The following CENPN variants were observed in gnomAD, a reference collection of about 807,000 sequenced individuals.
CENPN encodes the protein centromere protein N, also known as interphase centromere complex protein 32.
CENPN carries 36 observed loss-of-function variants against 48.6 expected under a neutral mutation model. The observed-to-expected ratio is 0.74, with a 90% CI of 0.57 to 0.98. The LOEUF (loss-of-function observed/expected upper bound fraction) is 0.98. CENPN is among the 50% of genes least tolerant of loss of function. The pLI, the probability that CENPN is intolerant of heterozygous loss-of-function variation, is 0.00. For missense variants in CENPN, 439 were observed against 399.2 expected (o/e 1.10, Z -0.85); for synonymous variants, 166 against 135.2 (o/e 1.23, Z -1.58).
rs771464375 is a variant in CENPN at position 81,028,213 on chromosome 16, G to T, written c.853G>T (p.Ala285Ser). 1.9e-6 allele frequency: 3 copies of T among 1,613,306 alleles called. No homozygotes were observed. The highest frequency in any genetic ancestry group is 4.5e-5 in the East Asian group (2 of 44,878). The change falls in exon 10 of 11, where the codon GCT becomes TCT. Residue 285 changes from alanine to serine, a missense_variant. Ala to Ser is a moderately conservative substitution (Grantham distance 99). Coordinates refer to ENST00000305850, the MANE Select transcript of CENPN (RefSeq NM_001100624.3). ...FKSGLNGSIL[A>S]EREEPLRCLI... ...AAGTGGTTTAAATGGGAGCATCTTG[G>T]CTGAGAGGGAAGAACCCCTCCGATG...
At chr16:81,007,990 C>T (rs1056766083) in intron 1 of CENPN, among the ~76,000 whole-genome samples, 4 of 151,990 alleles carry the variant, frequency 2.6e-5, no homozygotes, top group Non-Finnish European at 5.9e-5. Flanking sequence ...GCCTGTAATC[C>T]CAGCTATTTG....
chr16:81,014,015 T>G lies in CENPN; in HGVS notation c.172-121T>G. ...AACAGGAGAAGAGATTGGAGATGGG[T>G]TGTCAGTAAAGTACTGAGAATGTGC... is the stretch of plus-strand genomic sequence containing the variant. On this transcript the variant is annotated intron_variant, in intron 2 of 10. Coordinates refer to ENST00000305850, the MANE Select transcript of CENPN (RefSeq NM_001100624.3). 4.8e-6 allele frequency: 3 copies of G among 630,660 alleles called. No homozygotes were observed. In the Admixed American group the frequency reaches 7.3e-5, roughly 15 times the overall value. The allele number at this position is 630,660 out of a possible 1,614,324, so 39.1% of individuals were successfully genotyped here.
chr16:81,007,743 A>C (rs1313426976), intron 1 of CENPN, among the ~76,000 whole-genome samples: 2 of 152,126 alleles, frequency 1.3e-5, no homozygotes, highest in Non-Finnish European at 2.9e-5. Flanking sequence ...GATCTTTTTG[A>C]TCATGCGTTC....
At chr16:81,013,621 T>C (rs1969827232) in intron 2 of CENPN, among the ~76,000 whole-genome samples, 1 of 152,146 alleles carries the variant, frequency 6.6e-6, no homozygotes, top group South Asian at 2.1e-4. Context: ...CTTGGGAGGC[T>C]GAGGCAGGAG....
chr16:81,007,809 G>A (rs1969516046), intron 1 of CENPN, among the ~76,000 whole-genome samples: 1 of 152,152 alleles, frequency 6.6e-6, no homozygotes, highest in East Asian at 1.9e-4. Flanking sequence ...GAAGTATAAA[G>A]AAAGTTTTAA....
rs1206533082 is a variant in CENPN, at chr16:81,010,097, G to A, written c.-10-1833G>A. 2.0e-5 allele frequency among the ~76,000 whole-genome samples: 3 copies of A among 152,278 alleles called. No homozygotes were observed. The South Asian group carries it at 6.2e-4, about 32-fold the overall frequency. On this transcript the variant is annotated intron_variant, in intron 1 of 10. Coordinates refer to ENST00000305850, the MANE Select transcript of CENPN (RefSeq NM_001100624.3). ...GCCTGCAGTCCTAGCTACCTGGGAGGCTGAGGCAGGAGAATCACTTGAACC... is the reference window on the plus strand; with the variant it reads ...GCCTGCAGTCCTAGCTACCTGGGAGACTGAGGCAGGAGAATCACTTGAACC...
In CENPN at chr16:81,029,078, C is replaced by A. The variant is rs1434950299; in HGVS notation, c.*427C>A. The stretch of plus-strand genomic sequence containing the variant: ...AGCTCTGGATCACAGAGAGAAGCAA[C>A]AAGGAACTATACTCAACTCAAAACT... On this transcript the variant is annotated 3_prime_UTR_variant, in exon 11 of 11. Transcript: ENST00000305850. 2 of 987,002 alleles carry A rather than the reference C, an allele frequency of 2.0e-6. No individual in the cohort carries two copies. The highest frequency in any genetic ancestry group is 1.1e-4 in the East Asian group (1 of 8,866). The allele number at this position is 987,002 out of a possible 1,614,324, so 61.1% of individuals were successfully genotyped here. A position where few individuals can be genotyped will look rare whatever the true frequency, so the allele number is the denominator to read the frequency against.
In CENPN at chr16:81,020,976, C is replaced by A. The variant is rs182391506; in HGVS notation, c.531+700C>A. ...GCGTGGTGGTGGGCACCTGTAATCC[C>A]AGTTACTTGGGAGGCTGAGGCAGGA... On this transcript the variant is annotated intron_variant, in intron 6 of 10. Transcript: ENST00000305850. 4.9e-3 allele frequency among the ~76,000 whole-genome samples: 750 copies of A among 151,906 alleles called. 4 individuals carry two copies. The highest frequency in any genetic ancestry group is 7.4e-3 in the Non-Finnish European group (506 of 67,974).
At chr16:81,025,806 G>C (rs1020112769) in intron 8 of CENPN, among the ~76,000 whole-genome samples, 1 of 149,872 alleles carries the variant, frequency 6.7e-6, no homozygotes, top group East Asian at 2.0e-4. Context: ...AGGTTCAAGC[G>C]ATTCTCTTTC....
chr16:81,022,797 A>C, intron 7 of CENPN, 99 bp downstream of exon 7: 1 of 1,613,830 alleles, frequency 6.2e-7, no homozygotes, highest in South Asian at 1.1e-5. Flanking sequence ...ACAAGAGGAG[A>C]TCATTTTAGA....
At chr16:81,012,967 TA>T (rs1359037243) in intron 2 of CENPN, among the ~76,000 whole-genome samples, 1 of 152,118 alleles carries the variant, frequency 6.6e-6, no homozygotes, top group South Asian at 2.1e-4. Context: ...GAGAAAATAA[TA>T]AAAAATAGGA....
Position 81,031,293 on chromosome 16 carries a change from C to A in CENPN, c.*2642C>A, listed in dbSNP as rs1970763871. 6.6e-6 allele frequency: 1 copy of A among 152,164 alleles called. No individual in the cohort carries two copies. The highest frequency in any genetic ancestry group is 2.1e-4 in the South Asian group (1 of 4,832). The allele number at this position is 152,164 out of a possible 1,614,324, so 9.4% of individuals were successfully genotyped here. On this transcript the variant is annotated 3_prime_UTR_variant, in exon 11 of 11. Coordinates refer to ENST00000305850, the MANE Select transcript of CENPN (RefSeq NM_001100624.3). ...ACTACAACTCCTCAACAGCACCAAC[C>A]AATAAACTATGGATTTTTGTACTAA... is the stretch of plus-strand genomic sequence containing the variant.
rs748084949 is a variant in CENPN, at chr16:81,026,546, G to A, written c.718G>A (p.Glu240Lys). The part of the protein sequence containing the change: ...DINMDSRIIH[E>K]NIVEKERVQR... ...CATAGTGGATTCAAGGATCATTCATGAAAACATAGTAGAAAAAGAGAGAGT... is the reference window on the plus strand; with the variant it reads ...CATAGTGGATTCAAGGATCATTCATAAAAACATAGTAGAAAAAGAGAGAGT... Residue 240 changes from glutamate to lysine, a missense_variant, in exon 9 of 11, where the codon GAA (glutamate) becomes AAA (lysine). Glu to Lys is a moderately conservative substitution (Grantham distance 56, BLOSUM62 1). Coordinates refer to ENST00000305850, the MANE Select transcript of CENPN (RefSeq NM_001100624.3). 2 of 1,592,934 alleles carry A rather than the reference G, an allele frequency of 1.3e-6. No individual in the cohort carries two copies. Among genetic ancestry groups the A allele is most frequent in the East Asian group, 2.2e-5 (1 of 44,548 alleles).
At chr16:81,020,788 G>A (rs1385417191) in intron 6 of CENPN, among the ~76,000 whole-genome samples, 1 of 152,038 alleles carries the variant, frequency 6.6e-6, no homozygotes, top group Non-Finnish European at 1.5e-5. Context: ...TGACAAGATG[G>A]TTATTAGAAA....
rs139523815 is a variant in CENPN at position 81,012,044 on chromosome 16, A to G, written c.105A>G (p.Gln35=). ...LKAWDFLSEN[Q]LQTVNFRQRK... ...CCTGGGATTTTTTGTCTGAAAATCA[A>G]CTGCAGACTGTAAATTTCCGACAGA... Residue 35 remains glutamine (Q), a synonymous_variant, in exon 2 of 11, where the codon CAA becomes CAG. Transcript: ENST00000305850. The G allele has an allele frequency of 7.4e-6, 12 of 1,614,066 alleles. No homozygotes were observed. The highest frequency in any genetic ancestry group is 1.6e-4 in the Middle Eastern group (1 of 6,082).
downstream of CENPN, chr16:81,032,740 G>A: frequency 6.4e-7 from 1 of 1,568,106 alleles, no homozygotes; most frequent in Middle Eastern, 1.7e-4. Context: ...TTAATCAAAT[G>A]TATGTCTCTC....
chr16:81,017,766 G>A lies in CENPN; in HGVS notation c.286G>A (p.Val96Ile). 7.6e-6 allele frequency: 12 copies of A among 1,588,248 alleles called. No homozygotes were observed. Among genetic ancestry groups the A allele is most frequent in the East Asian group, 2.2e-5 (1 of 44,554 alleles). Residue 96 changes from valine (V) to isoleucine (I), a missense_variant, in exon 5 of 11, where the codon GTT becomes ATT. Physicochemically the swap from Val to Ile is conservative, Grantham distance 29. Coordinates refer to ENST00000305850, the MANE Select transcript of CENPN (RefSeq NM_001100624.3). ...TTTTTTCACTTTGGCAGGTGAAGAT[G>A]TTGACCTTTTTGATATGAAACAATT... is the stretch of plus-strand genomic sequence containing the variant. Reference protein sequence around the residue: ...FQMSKGPGEDVDLFDMKQFKN... With the variant: ...FQMSKGPGEDIDLFDMKQFKN...
downstream of CENPN, among the ~76,000 whole-genome samples, chr16:81,031,685 T>G (rs1970785173): frequency 6.6e-6 from 1 of 152,172 alleles, no homozygotes; most frequent in Non-Finnish European, 1.5e-5. Context: ...ACCCCCTACC[T>G]TGGTTGAGGT....
At chr16:81,011,802 A>G (rs1342747083) in intron 1 of CENPN, 128 bp from the exon 2 acceptor site, 1 of 734,824 alleles carries the variant, frequency 1.4e-6, no homozygotes, top group African/African-American at 1.8e-5. Flanking sequence ...TAAGAGTTCA[A>G]GACCAACGTG....
Sources: allele counts gnomAD v4.1 joint callset (sites outside exome capture counted in the v4.1 genomes callset), GRCh38; gene constraint gnomAD v4.1.1; transcripts MANE v1.5; gene names NCBI Gene and HGNC (gene_info 2026-07-23, HGNC 2026-07-21).